Variants in CDK1 observed in about 807,000 individuals in gnomAD.
The protein encoded by CDK1 is cyclin dependent kinase 1, also known as cyclin-dependent kinase 1.
In CDK1, 5 loss-of-function variants were observed where a neutral mutation model predicts 34.6. That is an observed-to-expected ratio of 0.14 (90% CI 0.08 to 0.30). CDK1 has a LOEUF of 0.30. Among genes scored for constraint, CDK1 ranks in the 10% least tolerant of loss-of-function variants. CDK1 has a pLI of 1.00. For synonymous variants in CDK1, 108 were observed against 114.7 expected (o/e 0.94, Z 0.37); for missense variants, 157 against 345.7 (o/e 0.45, Z 4.33).
At chr10:60,783,353 T>C (rs2080288763) in intron 2 of CDK1, 1 of 152,142 alleles carries the variant, frequency 6.6e-6, no homozygotes. Context: ...TAAGAAAACA[T>C]AGACTTTTGT....
chr10:60,780,448 A>C (rs1162927188), intron 2 of CDK1, among the ~76,000 whole-genome samples: 2 of 152,148 alleles, frequency 1.3e-5, no homozygotes, highest in Admixed American at 1.3e-4. Context: ...CTGATACTAA[A>C]CACTTATAGT....
At chr10:60,779,139 G>A (rs1406367968) in intron 1 of CDK1, among the ~76,000 whole-genome samples, 1 of 135,156 alleles carries the variant, frequency 7.4e-6, no homozygotes, top group Non-Finnish European at 1.6e-5. Context: ...GTCAGCCCAG[G>A]CACTTAACTC....
intron 1 of CDK1, 76 bp from the exon 2 acceptor site, chr10:60,780,065 C>T: frequency 1.4e-6 from 1 of 740,372 alleles, no homozygotes; most frequent in Middle Eastern, 2.4e-4. Flanking sequence ...AAATGCTTTA[C>T]ATATAGTGTT....
chr10:60,786,015 G>T, intron 4 of CDK1: 1 of 1,149,880 alleles, frequency 8.7e-7, no homozygotes, highest in Non-Finnish European at 1.1e-6. Context: ...ACATAGAACT[G>T]GTAGGTATTG....
intron 4 of CDK1, 24 bp downstream of exon 4, chr10:60,785,811 A>G (rs753032757): frequency 6.3e-7 from 1 of 1,578,244 alleles, no homozygotes; most frequent in Admixed American, 1.7e-5. Flanking sequence ...TAATTTTATT[A>G]ATATTTATGC....
Position 60,784,750 on chromosome 10 carries a change from A to G in CDK1, c.83A>G (p.Gln28Arg), listed in dbSNP as rs377117179. 4 of 1,613,092 alleles carry G rather than the reference A, an allele frequency of 2.5e-6. No homozygotes were observed. The highest frequency in any genetic ancestry group is 1.3e-5 in the African/African-American group (1 of 74,904). ...VYKGRHKTTG[Q>R]VVAMKKIRLE... Reference sequence around the variant, plus strand: ...AAGGGTAGACACAAAACTACAGGTCAAGTGGTAGCCATGAAAAAAATCAGA... The same window carrying G: ...AAGGGTAGACACAAAACTACAGGTCGAGTGGTAGCCATGAAAAAAATCAGA... The change falls in exon 3 of 8, where the codon CAA (glutamine) becomes CGA (arginine). Residue 28 changes from glutamine to arginine, a missense_variant. Coordinates refer to ENST00000395284, the MANE Select transcript of CDK1 (RefSeq NM_001786.5).
chr10:60,780,355 G>T (rs748136489), intron 2 of CDK1, among the ~76,000 whole-genome samples, 153 bp downstream of exon 2: 2 of 152,032 alleles, frequency 1.3e-5, no homozygotes, highest in East Asian at 1.9e-4. Context: ...CTTAATAAAC[G>T]CAAATTTGCT....
chr10:60,788,377 T>A, intron 5 of CDK1, 147 bp downstream of exon 5: 1 of 499,746 alleles, frequency 2.0e-6, no homozygotes, highest in African/African-American at 2.0e-5. Context: ...CCAAATTCAT[T>A]GCATGCTATG....
chr10:60,779,988 C>A (rs1341009248), intron 1 of CDK1, among the ~76,000 whole-genome samples, 153 bp from the exon 2 acceptor site: 1 of 152,068 alleles, frequency 6.6e-6, no homozygotes, highest in African/African-American at 2.4e-5. Context: ...GAGTCCTTAC[C>A]CTTGTAAATA....
At chr10:60,779,215 T>C (rs2080251350) in intron 1 of CDK1, among the ~76,000 whole-genome samples, 1 of 152,230 alleles carries the variant, frequency 6.6e-6, no homozygotes, top group South Asian at 2.1e-4. Flanking sequence ...TCTGGATTGA[T>C]TTTTCTTTGA....
At chr10:60,784,962 C>T in intron 3 of CDK1, 101 bp downstream of exon 3, 1 of 1,072,796 alleles carries the variant, frequency 9.3e-7, no homozygotes, top group Non-Finnish European at 1.4e-6. Flanking sequence ...TTGGTCTAGC[C>T]TTACTGAGTG....
chr10:60,789,766 A>T (rs966845049), intron 5 of CDK1, among the ~76,000 whole-genome samples: 31 of 152,204 alleles, frequency 2.0e-4, no homozygotes, highest in African/African-American at 6.5e-4. Flanking sequence ...ATATACCCCC[A>T]GCAGTGGGAT....
intron 2 of CDK1, 23 bp from the exon 3 acceptor site, chr10:60,784,682 G>A: frequency 6.3e-7 from 1 of 1,588,066 alleles, no homozygotes. Flanking sequence ...GTGTCACACA[G>A]CATATTATTT....
intron 2 of CDK1, among the ~76,000 whole-genome samples, chr10:60,781,756 A>G (rs1054615219): frequency 6.6e-6 from 1 of 151,852 alleles, no homozygotes; most frequent in African/African-American, 2.4e-5. Context: ...TTCATTTTTT[A>G]TCTCCTCCTC....
chr10:60,786,516 T>A, intron 4 of CDK1: 1 of 237,968 alleles, frequency 4.2e-6, no homozygotes, highest in Non-Finnish European at 6.8e-6. Flanking sequence ...TTGCTCTTAT[T>A]AACAGTACTG....
At chr10:60,791,159 C>T (rs2448362) in intron 5 of CDK1, among the ~76,000 whole-genome samples, 113,528 of 151,350 alleles carry the variant, frequency 0.75, 42,784 homozygotes, top group East Asian at 0.84. Flanking sequence ...AGTTCATGAA[C>T]ATGGGATGTC....
At chr10:60,785,906 A>G (rs1367466987) in intron 4 of CDK1, 119 bp downstream of exon 4, 1 of 1,320,362 alleles carries the variant, frequency 7.6e-7, no homozygotes. Flanking sequence ...AAGAAAAAGT[A>G]TTTCATTTTT....
chr10:60,791,798 T>C (rs2080361757), intron 5 of CDK1, 92 bp from the exon 6 acceptor site: 3 of 635,530 alleles, frequency 4.7e-6, no homozygotes, highest in Non-Finnish European at 7.9e-6. Context: ...CATACAACCT[T>C]TAAAGGACAG....
chr10:60,791,628 G>A (rs1454882406), intron 5 of CDK1, among the ~76,000 whole-genome samples: 1 of 152,036 alleles, frequency 6.6e-6, no homozygotes, highest in Non-Finnish European at 1.5e-5. Flanking sequence ...GGGAAGATAA[G>A]GCTGTATAAC....
Sources: allele counts gnomAD v4.1 joint callset (sites outside exome capture counted in the v4.1 genomes callset), GRCh38; gene constraint gnomAD v4.1.1; transcripts MANE v1.5; gene names NCBI Gene and HGNC (gene_info 2026-07-23, HGNC 2026-07-21).